DOCK1: variants seen among roughly 807,000 people sequenced by gnomAD.
The protein encoded by DOCK1 is dedicator of cytokinesis 1.
DOCK1 carries 138 observed loss-of-function variants against 262.7 expected under a neutral mutation model. The ratio of observed to expected loss-of-function variants is 0.53; its 90% CI spans 0.46 to 0.61. The LOEUF is 0.61. Among genes scored for constraint, DOCK1 ranks in the 20% least tolerant of loss-of-function variants. The pLI is 0.00. For missense variants in DOCK1, 1,908 were observed against 2,370.7 expected (o/e 0.80, Z 4.05); for synonymous variants, 866 against 867.4 (o/e 1.00, Z 0.03).
intron 1 of DOCK1, among the ~76,000 whole-genome samples, chr10:126,938,850 CCA>C (rs2034749043): frequency 6.0e-5 from 7 of 117,058 alleles, no homozygotes; most frequent in African/African-American, 2.3e-4. Context: ...GGGATGAACA[CCA>C]GAGGGGATGA....
chr10:127,315,845 C>T (rs1165813756), intron 29 of DOCK1, among the ~76,000 whole-genome samples: 1 of 152,068 alleles, frequency 6.6e-6, no homozygotes, highest in Non-Finnish European at 1.5e-5. Flanking sequence ...ATTACAGGTG[C>T]CTGCCCCCAT....
chr10:126,930,250 G>A (rs921892917), intron 1 of DOCK1, among the ~76,000 whole-genome samples: 3 of 152,238 alleles, frequency 2.0e-5, no homozygotes, highest in Admixed American at 1.3e-4. Flanking sequence ...TGTGACTGGT[G>A]CTGCTGGGAA....
At chr10:127,104,874 A>G (rs1052304263) in intron 23 of DOCK1, among the ~76,000 whole-genome samples, 1 of 152,186 alleles carries the variant, frequency 6.6e-6, no homozygotes, top group Non-Finnish European at 1.5e-5. Flanking sequence ...GGGACAAAGT[A>G]ATTAATGTCT....
intron 11 of DOCK1, among the ~76,000 whole-genome samples, chr10:127,011,162 A>G (rs1446637156): frequency 6.6e-6 from 1 of 152,224 alleles, no homozygotes; most frequent in African/African-American, 2.4e-5. Flanking sequence ...CCATTAAAGG[A>G]AGACTAATAG....
chr10:127,123,843 G>C (rs1260835491), intron 25 of DOCK1, among the ~76,000 whole-genome samples: 2 of 152,152 alleles, frequency 1.3e-5, no homozygotes, highest in African/African-American at 4.8e-5. Context: ...GGCTGACCTG[G>C]CCTCTTTCCA....
chr10:127,295,508 C>T (rs943623646), intron 29 of DOCK1, among the ~76,000 whole-genome samples: 2 of 152,156 alleles, frequency 1.3e-5, no homozygotes, highest in African/African-American at 2.4e-5. Context: ...CAAACCATAT[C>T]GCCCCCTCCC....
intron 29 of DOCK1, among the ~76,000 whole-genome samples, chr10:127,261,410 T>G (rs1197233178): frequency 7.2e-6 from 1 of 138,656 alleles, no homozygotes; most frequent in Non-Finnish European, 1.5e-5. Flanking sequence ...TGCATGTGGG[T>G]GTGTGTGTAC....
Position 126,981,097 on chromosome 10 carries a change from G to A in DOCK1, c.172-821G>A, listed in dbSNP as rs554743157. Among the ~76,000 whole-genome samples, 11 of 152,040 alleles carry A rather than the reference G, an allele frequency of 7.2e-5. 1 individual carries two copies. Among genetic ancestry groups the A allele is most frequent in the African/African-American group, 2.2e-4 (9 of 41,486 alleles). On this transcript the variant is annotated intron_variant, in intron 3 of 51. Coordinates refer to ENST00000623213, the MANE Select transcript of DOCK1 (RefSeq NM_001290223.2). The stretch of plus-strand genomic sequence containing the variant: ...TGAGTAGCTGGGACTACAGGTGCCC[G>A]CCACCACACCCGGCTAATTTTTGTA...
chr10:127,406,593 G>T (rs1590925114), intron 40 of DOCK1, among the ~76,000 whole-genome samples: 1 of 152,278 alleles, frequency 6.6e-6, no homozygotes, highest in South Asian at 2.1e-4. Context: ...CTGGAGAGGA[G>T]CCTCCAAGAA....
chr10:127,127,975 C>G (rs911800462), intron 27 of DOCK1: 4 of 370,754 alleles, frequency 1.1e-5, no homozygotes, highest in Non-Finnish European at 1.9e-5. Flanking sequence ...CTCTTGTTTT[C>G]TCATTACTTA....
chr10:127,276,929 C>T (rs1387842950), intron 29 of DOCK1, among the ~76,000 whole-genome samples: 1 of 141,420 alleles, frequency 7.1e-6, no homozygotes, highest in African/African-American at 2.5e-5. Flanking sequence ...CAGTGAGCAG[C>T]CAGTCAGTGT....
chr10:127,167,703 C>T (rs2054204466), intron 27 of DOCK1, among the ~76,000 whole-genome samples: 1 of 152,112 alleles, frequency 6.6e-6, no homozygotes, highest in Non-Finnish European at 1.5e-5. Context: ...TCCAGGTCTC[C>T]TGACGCTACA....
intron 22 of DOCK1, among the ~76,000 whole-genome samples, chr10:127,055,985 TC>T (rs2135770643): frequency 6.6e-6 from 1 of 152,292 alleles, no homozygotes; most frequent in South Asian, 2.1e-4. Flanking sequence ...CCAGGCATGG[TC>T]CACAAACTGA....
intron 22 of DOCK1, among the ~76,000 whole-genome samples, chr10:127,060,914 A>G (rs1240724011): frequency 1.3e-5 from 2 of 152,216 alleles, no homozygotes; most frequent in African/African-American, 2.4e-5. Flanking sequence ...TTGATTTTCA[A>G]TTTGTGACAT....
At chr10:126,989,877 T>C (rs1448628957) in intron 5 of DOCK1, among the ~76,000 whole-genome samples, 1 of 152,190 alleles carries the variant, frequency 6.6e-6, no homozygotes, top group African/African-American at 2.4e-5. Context: ...TAGATTGAGA[T>C]TTGGCCTCTT....
intron 23 of DOCK1, among the ~76,000 whole-genome samples, chr10:127,071,199 A>T (rs1345434527): frequency 6.6e-6 from 1 of 152,044 alleles, no homozygotes; most frequent in African/African-American, 2.4e-5. Flanking sequence ...GGCCCTGCAG[A>T]GGGTTGGGTA....
intron 1 of DOCK1, among the ~76,000 whole-genome samples, chr10:126,958,351 C>G (rs2036915986): frequency 6.6e-6 from 1 of 152,150 alleles, no homozygotes; most frequent in Non-Finnish European, 1.5e-5. Flanking sequence ...AGGAATGTTG[C>G]TGCTTTGGCT....
intron 1 of DOCK1, among the ~76,000 whole-genome samples, chr10:126,919,017 G>C (rs1431407226): frequency 8.9e-6 from 1 of 112,226 alleles, no homozygotes; most frequent in Non-Finnish European, 2.0e-5. Flanking sequence ...CAAGCTTCTT[G>C]GCTGTCTAAA....
chr10:127,309,137 C>A (rs115169773), intron 29 of DOCK1, among the ~76,000 whole-genome samples: 6 of 152,098 alleles, frequency 3.9e-5, no homozygotes, highest in Non-Finnish European at 7.4e-5. Flanking sequence ...TTCTGACTGG[C>A]GTGAGATGCT....
Sources: allele counts gnomAD v4.1 joint callset (sites outside exome capture counted in the v4.1 genomes callset), GRCh38; gene constraint gnomAD v4.1.1; transcripts MANE v1.5; gene names NCBI Gene and HGNC (gene_info 2026-07-23, HGNC 2026-07-21).